The following CPNE8 variants were observed in gnomAD, a reference collection of about 807,000 sequenced individuals.
CPNE8 encodes copine 8, also known as copine-8.
CPNE8 carries 45 observed loss-of-function variants against 81.5 expected under a neutral mutation model. The ratio of observed to expected loss-of-function variants is 0.55; its 90% CI spans 0.44 to 0.71. The LOEUF is 0.71. Ranked by LOEUF, CPNE8 falls within the 30% of genes least tolerant of loss-of-function variation. CPNE8 has a pLI of 0.00. For synonymous variants in CPNE8, 252 were observed against 226.3 expected (o/e 1.11, Z -1.02); for missense variants, 594 against 672.1 (o/e 0.88, Z 1.28).
At chr12:38,895,643 C>T (rs1565667086) in intron 1 of CPNE8, among the ~76,000 whole-genome samples, 2 of 152,038 alleles carry the variant, frequency 1.3e-5, no homozygotes, top group Non-Finnish European at 2.9e-5. Context: ...CAGTAGGGAA[C>T]AGAAAAACAG....
At chr12:38,809,155 A>G (rs1039135884) in intron 6 of CPNE8, among the ~76,000 whole-genome samples, 8 of 152,230 alleles carry the variant, frequency 5.3e-5, no homozygotes, top group Non-Finnish European at 7.3e-5. Flanking sequence ...AAATAATGCT[A>G]TCTCACAGTT....
chr12:38,764,481 G>GTGGC (rs1941638531), intron 8 of CPNE8, among the ~76,000 whole-genome samples: 1 of 149,728 alleles, frequency 6.7e-6, no homozygotes, highest in African/African-American at 2.4e-5. Context: ...GCCGGGCGTA[G>GTGGC]TGGCGGGCGC....
At chr12:38,749,043 T>C (rs1423975474) in intron 10 of CPNE8, among the ~76,000 whole-genome samples, 5 of 152,182 alleles carry the variant, frequency 3.3e-5, no homozygotes, top group Non-Finnish European at 7.4e-5. Flanking sequence ...TCTCATCTTG[T>C]AGCTCCCATA....
intron 3 of CPNE8, among the ~76,000 whole-genome samples, chr12:38,872,534 C>T (rs1038797717): frequency 6.6e-6 from 1 of 152,220 alleles, no homozygotes; most frequent in Non-Finnish European, 1.5e-5. Flanking sequence ...TCAGTCTCTT[C>T]ACTTTTGCTT....
intron 6 of CPNE8, among the ~76,000 whole-genome samples, chr12:38,779,206 T>C (rs548966028): frequency 5.6e-4 from 85 of 152,176 alleles, no homozygotes; most frequent in Middle Eastern, 3.4e-3. Flanking sequence ...TCAGATAACA[T>C]TGCAAGAAAA....
chr12:38,902,285 AGG>A (rs1284750641), intron 1 of CPNE8, among the ~76,000 whole-genome samples: 3 of 142,696 alleles, frequency 2.1e-5, no homozygotes, highest in African/African-American at 8.0e-5. Context: ...AAAAGAAAGA[AGG>A]AAGGAAGGAA....
intron 6 of CPNE8, among the ~76,000 whole-genome samples, chr12:38,797,727 G>T (rs1167066051): frequency 6.6e-6 from 1 of 152,138 alleles, no homozygotes; most frequent in African/African-American, 2.4e-5. Flanking sequence ...GAGAGAGGAA[G>T]GCTTCAGAAG....
intron 10 of CPNE8, among the ~76,000 whole-genome samples, chr12:38,741,247 A>C (rs576020769): frequency 6.6e-6 from 1 of 152,312 alleles, no homozygotes; most frequent in East Asian, 1.9e-4. Context: ...CAAAAGAACA[A>C]AGCTGGAGGC....
At chr12:38,773,229 A>G (rs1941844700) in intron 7 of CPNE8, among the ~76,000 whole-genome samples, 1 of 152,122 alleles carries the variant, frequency 6.6e-6, no homozygotes, top group Non-Finnish European at 1.5e-5. Flanking sequence ...AGTCATAGAG[A>G]TCTACTATAT....
intron 13 of CPNE8, among the ~76,000 whole-genome samples, chr12:38,720,222 G>T (rs563987136): frequency 6.6e-5 from 10 of 152,198 alleles, no homozygotes; most frequent in South Asian, 4.1e-4. Flanking sequence ...CTAAGGAAAA[G>T]AATCCTAAGG....
At chr12:38,888,227 T>C (rs982776954) in intron 1 of CPNE8, among the ~76,000 whole-genome samples, 1 of 152,250 alleles carries the variant, frequency 6.6e-6, no homozygotes, top group African/African-American at 2.4e-5. Context: ...TGTAGAATAA[T>C]ATGTTGCTTC....
chr12:38,745,106 C>T (rs1307345842), intron 10 of CPNE8, among the ~76,000 whole-genome samples: 2 of 152,176 alleles, frequency 1.3e-5, no homozygotes, highest in Non-Finnish European at 2.9e-5. Flanking sequence ...TCATTACAGG[C>T]CTTCCACCAT....
chr12:38,832,584 C>A (rs1175759482), intron 5 of CPNE8, among the ~76,000 whole-genome samples: 1 of 152,186 alleles, frequency 6.6e-6, no homozygotes, highest in Non-Finnish European at 1.5e-5. Context: ...TATAGAAGAC[C>A]TCGGCCTGTT....
intron 13 of CPNE8, among the ~76,000 whole-genome samples, chr12:38,717,946 A>C (rs1940448946): frequency 6.6e-6 from 1 of 152,128 alleles, no homozygotes; most frequent in South Asian, 2.1e-4. Context: ...GTGAGGAGTT[A>C]CTGTGATTCA....
chr12:38,730,829 T>C lies in CPNE8; in HGVS notation c.723-471A>G, dbSNP rs937842405. Among the ~76,000 whole-genome samples, 4 of 146,178 alleles carry C rather than the reference T, an allele frequency of 2.7e-5. No homozygotes were observed. The Admixed American group carries it at 2.8e-4, about 10-fold the overall frequency. ...GCTATTTTAAAAAGTTATAACATAT[T>C]AATATGTGTAATAGTCACTACACTT... On this transcript the variant is annotated intron_variant, in intron 10 of 19. Transcript: ENST00000331366.
chr12:38,853,224 T>C (rs1286064210), intron 3 of CPNE8, among the ~76,000 whole-genome samples: 1 of 152,126 alleles, frequency 6.6e-6, no homozygotes, highest in Non-Finnish European at 1.5e-5. Context: ...AAATAATTGC[T>C]AATTCTTTGG....
At chr12:38,721,946 C>T (rs369489289) in intron 13 of CPNE8, among the ~76,000 whole-genome samples, 2 of 152,140 alleles carry the variant, frequency 1.3e-5, no homozygotes, top group Admixed American at 6.5e-5. Flanking sequence ...CTGGATCTCA[C>T]GCTCACACAC....
chr12:38,773,410 G>T (rs1320487884), intron 7 of CPNE8, among the ~76,000 whole-genome samples: 3 of 151,878 alleles, frequency 2.0e-5, no homozygotes, highest in African/African-American at 7.3e-5. Flanking sequence ...TGGTTTCATG[G>T]GTATATACCT....
intron 11 of CPNE8, chr12:38,726,286 T>G (rs1940695561): frequency 6.6e-6 from 1 of 151,430 alleles, no homozygotes; most frequent in Non-Finnish European, 1.5e-5. Context: ...AAACAAAACT[T>G]TAAGACAACA....
Sources: gnomAD v4.1 joint callset for allele counts (sites outside exome capture counted in the v4.1 genomes callset) on GRCh38, gnomAD v4.1.1 for gene constraint, MANE v1.5 for transcripts, NCBI Gene and HGNC (gene_info 2026-07-23, HGNC 2026-07-21) for gene names.